The following MRTFB variants were observed in gnomAD, a reference collection of about 807,000 sequenced individuals.
The protein encoded by MRTFB is myocardin related transcription factor B.
In MRTFB, 29 loss-of-function variants were observed where a neutral mutation model predicts 104.2. That is an observed-to-expected ratio of 0.28 (90% confidence interval 0.21 to 0.38). MRTFB has a LOEUF of 0.38. MRTFB is among the 10% of genes least tolerant of loss of function. The pLI is 1.00. For missense variants in MRTFB, 1,270 were observed against 1,341.6 expected (o/e 0.95, Z 0.83); for synonymous variants, 535 against 519.5 (o/e 1.03, Z -0.41).
At chr16:14,217,526 T>C (rs935421387) in intron 7 of MRTFB, among the ~76,000 whole-genome samples, 1 of 152,230 alleles carries the variant, frequency 6.6e-6, no homozygotes, top group Non-Finnish European at 1.5e-5. Context: ...TCTGATTTCA[T>C]CTCACCTTTT....
At chr16:14,022,422 C>A in the MRTFB span, among the ~76,000 whole-genome samples, 2 of 151,968 alleles carry the variant, frequency 1.3e-5, no homozygotes, top group Non-Finnish European at 2.9e-5. Flanking sequence ...TTTTTTGAGA[C>A]AGTCTTGCTC....
the MRTFB span, among the ~76,000 whole-genome samples, chr16:14,042,530 A>T: frequency 6.6e-6 from 1 of 152,190 alleles, no homozygotes; most frequent in African/African-American, 2.4e-5. Flanking sequence ...CACTTGAACC[A>T]TGGGGAAGTT....
the MRTFB span, among the ~76,000 whole-genome samples, chr16:14,057,551 C>A: frequency 6.6e-6 from 1 of 152,164 alleles, no homozygotes; most frequent in Non-Finnish European, 1.5e-5. Flanking sequence ...TCATCAGAAT[C>A]TTTTCAATAC....
chr16:14,158,249 C>T (rs977958905), intron 3 of MRTFB, among the ~76,000 whole-genome samples: 2 of 152,174 alleles, frequency 1.3e-5, no homozygotes, highest in Non-Finnish European at 2.9e-5. Flanking sequence ...TAGATTTTTC[C>T]ATGTGTTTCT....
At chr16:13,997,792 CAA>C in the MRTFB span, among the ~76,000 whole-genome samples, 954 of 90,702 alleles carry the variant, frequency 0.011, 11 homozygotes, top group African/African-American at 0.036. Context: ...GACCCTATCT[CAA>C]AAAAAAAAAA....
chr16:14,258,244 C>T, intron 16 of MRTFB, 83 bp downstream of exon 16: 1 of 1,044,934 alleles, frequency 9.6e-7, no homozygotes, highest in Non-Finnish European at 1.5e-6. Flanking sequence ...GCACTCATAG[C>T]TTATCTTTAG....
intron 3 of MRTFB, among the ~76,000 whole-genome samples, chr16:14,206,472 C>G (rs969184591): frequency 6.6e-6 from 1 of 152,204 alleles, no homozygotes; most frequent in Non-Finnish European, 1.5e-5. Context: ...ATGATCTGTA[C>G]TTTTTATAAG....
At chr16:14,152,744 G>A (rs900581481) in intron 3 of MRTFB, 7 of 152,066 alleles carry the variant, frequency 4.6e-5, no homozygotes, top group East Asian at 1.9e-4. Context: ...CAGGGTGAAC[G>A]GCATTCCACA....
chr16:14,036,032 G>T, the MRTFB span, among the ~76,000 whole-genome samples: 6 of 147,516 alleles, frequency 4.1e-5, no homozygotes, highest in Non-Finnish European at 8.9e-5. Context: ...CCAATTCCAT[G>T]CAGGTTGCTG....
intron 3 of MRTFB, among the ~76,000 whole-genome samples, chr16:14,164,894 C>T (rs578183418): frequency 1.1e-3 from 166 of 149,334 alleles, no homozygotes; most frequent in African/African-American, 3.8e-3. Context: ...AAATAATTAT[C>T]GAGGGTTAGG....
chr16:14,227,329 C>T (rs185096918), intron 8 of MRTFB, among the ~76,000 whole-genome samples: 2 of 152,160 alleles, frequency 1.3e-5, no homozygotes, highest in East Asian at 1.9e-4. Flanking sequence ...AGCCCCTCCC[C>T]GCTCTCTCTT....
intron 2 of MRTFB, among the ~76,000 whole-genome samples, chr16:14,116,529 T>C (rs1300953952): frequency 1.3e-5 from 2 of 152,236 alleles, no homozygotes; most frequent in Non-Finnish European, 2.9e-5. Context: ...CTTGACCTGC[T>C]GTGCATCTCA....
At chr16:14,217,638 T>C (rs541312871) in intron 7 of MRTFB, among the ~76,000 whole-genome samples, 1 of 152,310 alleles carries the variant, frequency 6.6e-6, no homozygotes, top group African/African-American at 2.4e-5. Flanking sequence ...CAGTGCAAAA[T>C]AGGAGGTCCC....
intron 3 of MRTFB, among the ~76,000 whole-genome samples, chr16:14,197,471 T>C (rs2040490770): frequency 6.6e-6 from 1 of 152,136 alleles, no homozygotes; most frequent in African/African-American, 2.4e-5. Context: ...AAACTCCAAA[T>C]TCCCGCAATG....
intron 3 of MRTFB, among the ~76,000 whole-genome samples, chr16:14,176,487 C>T (rs1477933785): frequency 6.6e-6 from 1 of 152,186 alleles, no homozygotes; most frequent in African/African-American, 2.4e-5. Context: ...ACTGTTTTCT[C>T]AGTTCTCCCA....
chr16:14,052,929 A>G, the MRTFB span, among the ~76,000 whole-genome samples: 35 of 152,262 alleles, frequency 2.3e-4, no homozygotes, highest in East Asian at 2.1e-3. Context: ...CCTCCATGAC[A>G]GCACTTTTTT....
intron 2 of MRTFB, among the ~76,000 whole-genome samples, chr16:14,097,103 A>G (rs2903462): frequency 0.21 from 32,118 of 152,166 alleles, 5,954 homozygotes; most frequent in African/African-American, 0.49. Flanking sequence ...TTTAAATGCA[A>G]TGATTATGAC....
chr16:14,254,009 G>A (rs959396367), intron 15 of MRTFB, among the ~76,000 whole-genome samples: 1 of 152,166 alleles, frequency 6.6e-6, no homozygotes, highest in Admixed American at 6.5e-5. Flanking sequence ...AAAACAAAAA[G>A]ATAGTACCCA....
chr16:14,100,722 G>T (rs2035650750), intron 2 of MRTFB, among the ~76,000 whole-genome samples: 1 of 152,180 alleles, frequency 6.6e-6, no homozygotes, highest in South Asian at 2.1e-4. Context: ...TTCTTTGAGA[G>T]ATTTTAAACT....
Sources: allele counts gnomAD v4.1 joint callset (sites outside exome capture counted in the v4.1 genomes callset), GRCh38; gene constraint gnomAD v4.1.1; transcripts MANE v1.5; gene names NCBI Gene and HGNC (gene_info 2026-07-23, HGNC 2026-07-21).